The following NALCN variants were observed in gnomAD, a reference collection of about 807,000 sequenced individuals.
NALCN encodes sodium leak channel NALCN.
Under a neutral mutation model 225.3 loss-of-function variants are expected in NALCN, and 111 were observed. The ratio of observed to expected loss-of-function variants is 0.49; its 90% confidence interval spans 0.42 to 0.58. The LOEUF is 0.58. Ranked by LOEUF, NALCN falls within the 20% of genes least tolerant of loss-of-function variation. The pLI is 0.00. For synonymous variants in NALCN, 764 were observed against 769.0 expected (o/e 0.99, Z 0.11); for missense variants, 1,378 against 2,202.4 (o/e 0.63, Z 7.49).
At chr13:101,103,586 G>C (rs895963573) in intron 25 of NALCN, among the ~76,000 whole-genome samples, 6 of 152,152 alleles carry the variant, frequency 3.9e-5, no homozygotes, top group African/African-American at 1.4e-4. Flanking sequence ...GTGTACACCA[G>C]TGCGTTCTGC....
intron 7 of NALCN, among the ~76,000 whole-genome samples, chr13:101,324,599 T>A (rs1230559584): frequency 1.3e-5 from 2 of 152,164 alleles, no homozygotes; most frequent in African/African-American, 2.4e-5. Context: ...TGTATAGGAA[T>A]GCTTGTGATT....
chr13:101,301,961 A>G (rs2043988875), intron 7 of NALCN, among the ~76,000 whole-genome samples: 2 of 152,320 alleles, frequency 1.3e-5, no homozygotes, highest in South Asian at 4.1e-4. Flanking sequence ...CCTAAAGAGT[A>G]CACAAAATAT....
At chr13:101,296,170 C>A (rs1490093130) in intron 7 of NALCN, among the ~76,000 whole-genome samples, 2 of 152,134 alleles carry the variant, frequency 1.3e-5, no homozygotes, top group Non-Finnish European at 2.9e-5. Flanking sequence ...ATACTGAATT[C>A]TCTACCTTGT....
intron 13 of NALCN, among the ~76,000 whole-genome samples, chr13:101,223,156 T>A (rs1411740378): frequency 6.6e-6 from 1 of 152,170 alleles, no homozygotes; most frequent in South Asian, 2.1e-4. Context: ...ACCTCTTCCA[T>A]GCTAGCCATT....
intron 13 of NALCN, among the ~76,000 whole-genome samples, chr13:101,200,930 T>G (rs1338384170): frequency 6.6e-6 from 1 of 152,184 alleles, no homozygotes; most frequent in Non-Finnish European, 1.5e-5. Flanking sequence ...TCAATTTAAG[T>G]TCAAACATAG....
intron 28 of NALCN, among the ~76,000 whole-genome samples, chr13:101,094,089 T>C (rs592596): frequency 0.67 from 101,966 of 152,124 alleles, 34,502 homozygotes; most frequent in Non-Finnish European, 0.7. Context: ...TGTGCAGTCT[T>C]TGGGTGATTC....
intron 15 of NALCN, among the ~76,000 whole-genome samples, chr13:101,148,136 C>T (rs2037452516): frequency 6.6e-6 from 1 of 152,092 alleles, no homozygotes; most frequent in South Asian, 2.1e-4. Context: ...GGACTCCTGT[C>T]ACACATTACC....
chr13:101,112,487 T>A (rs1003135938), intron 18 of NALCN, among the ~76,000 whole-genome samples: 1 of 152,316 alleles, frequency 6.6e-6, no homozygotes, highest in Admixed American at 6.5e-5. Context: ...AGATAGTTGA[T>A]AAGTGGCAAG....
At chr13:101,351,678 G>A (rs1352402385) in intron 6 of NALCN, among the ~76,000 whole-genome samples, 1 of 152,160 alleles carries the variant, frequency 6.6e-6, no homozygotes, top group Non-Finnish European at 1.5e-5. Flanking sequence ...TCTGAAAAAT[G>A]AGAAACTTTC....
intron 17 of NALCN, among the ~76,000 whole-genome samples, chr13:101,136,284 G>A (rs531346573): frequency 2.7e-4 from 35 of 127,930 alleles, no homozygotes; most frequent in African/African-American, 1.0e-3. Flanking sequence ...TTTATAGTAC[G>A]CATCGTTTTA....
intron 7 of NALCN, among the ~76,000 whole-genome samples, chr13:101,339,708 G>A (rs1280373149): frequency 1.3e-5 from 2 of 152,072 alleles, no homozygotes; most frequent in Non-Finnish European, 2.9e-5. Context: ...TCACAGATTC[G>A]AATGTATATG....
chr13:101,065,339 G>A (rs1283467832), intron 40 of NALCN, 65 bp downstream of exon 40: 27 of 1,542,066 alleles, frequency 1.8e-5, no homozygotes, highest in South Asian at 9.2e-5. Flanking sequence ...GTACTGCAGA[G>A]GCCTTGAAGG....
chr13:101,131,702 A>G (rs186148806), intron 17 of NALCN, among the ~76,000 whole-genome samples: 76 of 152,262 alleles, frequency 5.0e-4, no homozygotes, highest in Admixed American at 5.0e-3. Context: ...CACTAATATC[A>G]TGCAAATCAT....
At chr13:101,181,131 G>A in intron 14 of NALCN, 1 of 518,920 alleles carries the variant, frequency 1.9e-6, no homozygotes, top group South Asian at 1.4e-5. Flanking sequence ...GAGAGCCAAG[G>A]ATGCTCTCCC....
rs768204460 is a variant in NALCN at position 101,104,997 on chromosome 13, T to G, written c.2580-47A>C. The G allele has an allele frequency of 3.9e-6, 6 of 1,535,122 alleles. No homozygotes were observed. In the East Asian group the frequency reaches 1.4e-4, roughly 35 times the overall value. ...AAATTCTGCAACAAAGCAAGCATGT[T>G]TTAACTTGCTAAAAATCATATTTGC... On this transcript the variant is annotated intron_variant, in intron 22 of 43. Transcript: ENST00000251127. This position sits in a 1 kb window ranked among gnomAD's most constrained non-coding sequence, Gnocchi z 4.2.
intron 6 of NALCN, among the ~76,000 whole-genome samples, chr13:101,364,164 G>A (rs938114760): frequency 2.6e-5 from 4 of 152,004 alleles, no homozygotes; most frequent in South Asian, 2.1e-4. Flanking sequence ...AAAACAGTAC[G>A]GACTGAAAAA....
intron 27 of NALCN, among the ~76,000 whole-genome samples, chr13:101,100,442 A>G (rs971827150): frequency 6.6e-6 from 1 of 152,204 alleles, no homozygotes; most frequent in Non-Finnish European, 1.5e-5. Context: ...CTTTCTAGCC[A>G]GAAGAGACAT....
chr13:101,156,531 G>GTA (rs137879353), intron 15 of NALCN, among the ~76,000 whole-genome samples: 1,794 of 148,978 alleles, frequency 0.012, 28 homozygotes, highest in African/African-American at 0.037. Context: ...ATGTATGCAG[G>GTA]TATATATATA....
chr13:101,074,443 T>C (rs1429249473), intron 36 of NALCN, 71 bp downstream of exon 36: 3 of 1,381,296 alleles, frequency 2.2e-6, no homozygotes, highest in African/African-American at 2.9e-5. Flanking sequence ...ACAAAAAACA[T>C]TTGTTTATTT....
Sources: allele counts gnomAD v4.1 joint callset (sites outside exome capture counted in the v4.1 genomes callset), GRCh38; gene constraint gnomAD v4.1.1; non-coding constraint Gnocchi (gnomAD v3.1); transcripts MANE v1.5; gene names NCBI Gene and HGNC (gene_info 2026-07-23, HGNC 2026-07-21).